Variants in NRK observed in about 807,000 individuals in gnomAD.
NRK encodes the protein Nik related kinase, also known as nik-related protein kinase.
NRK carries 67 observed loss-of-function variants against 125.2 expected under a neutral mutation model. The observed-to-expected ratio is 0.54, with a 90% CI of 0.44 to 0.66. The LOEUF is 0.66. NRK is among the 30% of genes least tolerant of loss of function. The pLI, the probability that NRK is intolerant of heterozygous loss-of-function variation, is 0.00. For synonymous variants in NRK, 458 were observed against 429.0 expected (o/e 1.07, Z -0.84); for missense variants, 1,224 against 1,192.9 (o/e 1.03, Z -0.38).
At chrX:105,933,910 A>G (rs2040627331) in intron 19 of NRK, among the ~76,000 whole-genome samples, 1 of 111,770 alleles carries the variant, frequency 8.9e-6, no homozygotes, top group Non-Finnish European at 1.9e-5. Flanking sequence ...AATTGGAGAT[A>G]ATTATACTTA....
intron 2 of NRK, among the ~76,000 whole-genome samples, chrX:105,860,749 C>T (rs2039591227): frequency 9.1e-6 from 1 of 110,255 alleles, no homozygotes; most frequent in Non-Finnish European, 1.9e-5. Flanking sequence ...ATTACTTTTG[C>T]ACCAACCTAA....
At chrX:105,933,174 A>ATCTG (rs1448473592) in intron 19 of NRK, among the ~76,000 whole-genome samples, 8 of 105,469 alleles carry the variant, frequency 7.6e-5, no homozygotes, top group African/African-American at 2.1e-4. Flanking sequence ...CTGTCTATCT[A>ATCTG]TCTATCTATC....
intron 2 of NRK, among the ~76,000 whole-genome samples, chrX:105,873,711 G>A (rs975094142): frequency 9.0e-6 from 1 of 110,596 alleles, no homozygotes; most frequent in African/African-American, 3.3e-5. Flanking sequence ...TTACCTCATA[G>A]CCTTTGCTCA....
intron 5 of NRK, among the ~76,000 whole-genome samples, chrX:105,891,165 G>T (rs1402518685): frequency 1.8e-5 from 2 of 111,303 alleles, no homozygotes; most frequent in Non-Finnish European, 3.8e-5. Flanking sequence ...TTTTCCAAAT[G>T]GTAAGTTGAC....
rs2040031083 is a variant in NRK at position 105,892,746 on chromosome X, G to A, written c.379-1086G>A. On this transcript the variant is annotated intron_variant, in intron 5 of 28. Transcript: ENST00000243300. ...GTTTGGCTGTCTCTTCTTCTTTTTG[G>A]TGAAAGTGTACTCAGGTGAAAGACA... 3.6e-5 allele frequency among the ~76,000 whole-genome samples: 4 copies of A among 111,366 alleles called. 1 individual carries two copies. The highest frequency in any genetic ancestry group is 1.9e-4 in the Admixed American group (2 of 10,436).
chrX:105,890,756 TC>T (rs1204713949), intron 5 of NRK, among the ~76,000 whole-genome samples: 1 of 111,382 alleles, frequency 9.0e-6, no homozygotes, highest in Non-Finnish European at 1.9e-5. Flanking sequence ...TTCAATTACC[TC>T]CCACCAGGTC....
At chrX:105,855,597 C>T (rs2039522200) in intron 2 of NRK, among the ~76,000 whole-genome samples, 1 of 111,452 alleles carries the variant, frequency 9.0e-6, no homozygotes, top group Non-Finnish European at 1.9e-5. Context: ...TTCTCTTTAT[C>T]TCTAATTTAT....
At chrX:105,828,845 C>G (rs1357575510) in intron 1 of NRK, among the ~76,000 whole-genome samples, 1 of 111,441 alleles carries the variant, frequency 9.0e-6, no homozygotes, top group Non-Finnish European at 1.9e-5. Context: ...CTTCTTAGAT[C>G]CTAAAAATTA....
At chrX:105,933,166 G>GTCTA (rs145260404) in intron 19 of NRK, among the ~76,000 whole-genome samples, 12,854 of 101,065 alleles carry the variant, frequency 0.13, 705 homozygotes, top group African/African-American at 0.14. Context: ...ATCTATGTCT[G>GTCTA]TCTATCTATC....
At position 105,854,310 on chromosome X, in the gene NRK, A is replaced by G. The variant is rs564563860; in HGVS notation, c.123+23191A>G. On this transcript the variant is annotated intron_variant, in intron 2 of 28. Transcript: ENST00000243300. ...TTCCAGCCAACTTGGTCAATTTAAT[A>G]ATAAATAAACCTTGTCAATCCAGTT... is the stretch of plus-strand genomic sequence containing the variant. Among the ~76,000 whole-genome samples, 243 of 111,993 alleles carry G rather than the reference A, an allele frequency of 2.2e-3. No individual in the cohort carries two copies. The South Asian group carries it at 0.031, about 14-fold the overall frequency.
Position 105,934,305 on chromosome X carries a change from T to C in NRK, c.3360T>C (p.Ala1120=). Reference sequence around the variant, plus strand: ...CCTCAAATGCCATTGACTCAGGTGCTGCACCGTCAGCACCTGATCATGAGA... The same window carrying C: ...CCTCAAATGCCATTGACTCAGGTGCCGCACCGTCAGCACCTGATCATGAGA... ...NEASNAIDSG[A]APSAPDHESD... Residue 1120 remains alanine, a synonymous_variant, in exon 20 of 29, where the codon GCT becomes GCC. Coordinates refer to ENST00000243300, the MANE Select transcript of NRK (RefSeq NM_198465.4). The C allele has an allele frequency of 8.4e-7, 1 of 1,192,200 alleles. No homozygotes were observed. Among genetic ancestry groups the C allele is most frequent in the Non-Finnish European group, 1.1e-6 (1 of 882,852 alleles).
intron 14 of NRK, among the ~76,000 whole-genome samples, chrX:105,914,734 A>T (rs753267701): frequency 2.9e-4 from 32 of 108,577 alleles, no homozygotes; most frequent in African/African-American, 1.1e-3. Flanking sequence ...GAGAGCCTTG[A>T]TAAGCCACTT....
rs756532690 is a variant in NRK, at chrX:105,895,400, A to G, written c.490-33A>G. The G allele has an allele frequency of 6.0e-6, 6 of 991,910 alleles. No homozygotes were observed. In the Admixed American group the frequency reaches 6.7e-5, roughly 11 times the overall value. The allele number at this position is 991,910 out of a possible 1,213,427, so 81.7% of individuals were successfully genotyped here. On this transcript the variant is annotated intron_variant, in intron 6 of 28. Transcript: ENST00000243300. ...AAGAAAGAAAGAAAGAAAGAAATAT[A>G]TACTGATGTGGCTTTTTAAAAAATA...
Position 105,923,208 on chromosome X carries a change from C to A in NRK, c.2701C>A (p.Arg901=), listed in dbSNP as rs376128030. The stretch of plus-strand genomic sequence containing the variant: ...CTATAATGCACTCTCTGAAATCTTC[C>A]GGAATGATTGGTTAACTCCGGCACC... ...VGYNALSEIF[R]NDWLTPAPVI... The change falls in exon 18 of 29, where the codon CGG becomes AGG. Residue 901 remains arginine (R), a synonymous_variant. Transcript: ENST00000243300. The A allele has an allele frequency of 1.2e-5, 14 of 1,208,736 alleles. 1 individual carries two copies. Among genetic ancestry groups the A allele is most frequent in the Non-Finnish European group, 1.6e-5 (14 of 893,441 alleles).
chrX:105,841,249 A>C (rs1299064777), intron 2 of NRK, among the ~76,000 whole-genome samples: 2 of 111,460 alleles, frequency 1.8e-5, no homozygotes, highest in Non-Finnish European at 1.9e-5. Context: ...GGCTACTCTG[A>C]AGGCAGGCTT....
At chrX:105,891,615 A>G (rs1436538068) in intron 5 of NRK, among the ~76,000 whole-genome samples, 1 of 111,798 alleles carries the variant, frequency 8.9e-6, no homozygotes, top group African/African-American at 3.3e-5. Flanking sequence ...TTTGGCAGCC[A>G]TCAGAATCTC....
intron 27 of NRK, among the ~76,000 whole-genome samples, chrX:105,950,823 CAGAGAG>C (rs746466025): frequency 4.0e-5 from 4 of 100,726 alleles, no homozygotes; most frequent in Admixed American, 3.2e-4. Context: ...AACATAGAGA[CAGAGAG>C]AGAGAGAGAG....
At position 105,855,750 on chromosome X, in the gene NRK, A is replaced by C. The variant is rs944050596; in HGVS notation, c.124-24449A>C. Among the ~76,000 whole-genome samples, 3 of 112,098 alleles carry C rather than the reference A, an allele frequency of 2.7e-5. No homozygotes were observed. The Admixed American group carries it at 2.8e-4, about 11-fold the overall frequency. On this transcript the variant is annotated intron_variant, in intron 2 of 28. Coordinates refer to ENST00000243300, the MANE Select transcript of NRK (RefSeq NM_198465.4). ...AGATGCCATATATTATGTGAAAGAT[A>C]AAGTATGTAAGATATCAACTCATGC... is the stretch of plus-strand genomic sequence containing the variant.
chrX:105,898,205 A>G (rs936905836), intron 7 of NRK, among the ~76,000 whole-genome samples: 1 of 112,085 alleles, frequency 8.9e-6, no homozygotes, highest in African/African-American at 3.2e-5. Context: ...TCAACTGCTA[A>G]TAAGTTTTAG....
Sources: allele counts gnomAD v4.1 joint callset (sites outside exome capture counted in the v4.1 genomes callset), GRCh38; gene constraint gnomAD v4.1.1; transcripts MANE v1.5; gene names NCBI Gene and HGNC (gene_info 2026-07-23, HGNC 2026-07-21).